RAPGEF4: variants seen among roughly 807,000 people sequenced by gnomAD.
The protein encoded by RAPGEF4 is Rap guanine nucleotide exchange factor 4.
RAPGEF4 carries 66 observed loss-of-function variants against 147.9 expected under a neutral mutation model. The observed-to-expected ratio is 0.45, with a 90% CI of 0.37 to 0.55. RAPGEF4 has a LOEUF of 0.55. RAPGEF4 is among the 20% of genes least tolerant of loss of function. The probability of loss-of-function intolerance (pLI) is 0.00; values close to 1 mark genes in which losing one functional copy is unlikely to be tolerated. For missense variants in RAPGEF4, 1,071 were observed against 1,257.3 expected (o/e 0.85, Z 2.24); for synonymous variants, 419 against 442.7 (o/e 0.95, Z 0.67).
intron 18 of RAPGEF4, 108 bp downstream of exon 18, chr2:173,014,722 C>A: frequency 9.6e-7 from 1 of 1,042,894 alleles, no homozygotes; most frequent in Non-Finnish European, 1.3e-6. Flanking sequence ...AAATGCTAGA[C>A]TTTGTGAACA....
intron 4 of RAPGEF4, among the ~76,000 whole-genome samples, chr2:172,868,518 G>C (rs1044381027): frequency 6.6e-6 from 1 of 152,192 alleles, no homozygotes; most frequent in African/African-American, 2.4e-5. Flanking sequence ...ATTGGGGAGT[G>C]GGAGGAAAGA....
intron 1 of RAPGEF4, among the ~76,000 whole-genome samples, chr2:172,769,370 G>T (rs1697145761): frequency 6.6e-6 from 1 of 152,142 alleles, no homozygotes; most frequent in African/African-American, 2.4e-5. Context: ...AAGATTAAAA[G>T]ATTCTGGGGG....
Position 173,030,190 on chromosome 2 carries a change from C to G in RAPGEF4, c.2585C>G (p.Ser862Cys). The G allele has an allele frequency of 1.2e-6, 2 of 1,613,320 alleles. No homozygotes were observed. The highest frequency in any genetic ancestry group is 1.7e-6 in the Non-Finnish European group (2 of 1,179,270). ...AHCKEYKNLN[S>C]FFAIVMGLSN... The stretch of plus-strand genomic sequence containing the variant: ...TGTAAGGAGTATAAAAATCTGAATT[C>G]CTTTTTTGCCATCGTCATGGGACTA... Residue 862 changes from serine to cysteine, a missense_variant, in exon 26 of 31, where the codon TCC (serine) becomes TGC (cysteine). By Grantham distance (112) the Ser-to-Cys change is moderately radical. Coordinates refer to ENST00000397081, the MANE Select transcript of RAPGEF4 (RefSeq NM_007023.4).
intron 1 of RAPGEF4, among the ~76,000 whole-genome samples, chr2:172,767,356 T>C (rs1046313567): frequency 6.6e-6 from 1 of 152,076 alleles, no homozygotes; most frequent in African/African-American, 2.4e-5. Flanking sequence ...TTTTTGTATT[T>C]TTAGTATAGA....
At chr2:172,853,562 C>T (rs1436254864) in intron 4 of RAPGEF4, among the ~76,000 whole-genome samples, 4 of 151,698 alleles carry the variant, frequency 2.6e-5, no homozygotes, top group African/African-American at 9.7e-5. Context: ...AAAATTCCTT[C>T]GTTCCTTCTC....
At chr2:173,024,692 G>A (rs1171854298) in intron 23 of RAPGEF4, among the ~76,000 whole-genome samples, 1 of 152,168 alleles carries the variant, frequency 6.6e-6, no homozygotes, top group African/African-American at 2.4e-5. Flanking sequence ...AGAGATTAGG[G>A]AATCAATCCA....
chr2:173,034,895 C>T (rs1364296185), intron 27 of RAPGEF4, among the ~76,000 whole-genome samples: 2 of 151,748 alleles, frequency 1.3e-5, no homozygotes, highest in African/African-American at 2.4e-5. Context: ...CACACACACA[C>T]ACACACACAC....
intron 16 of RAPGEF4, among the ~76,000 whole-genome samples, chr2:172,996,900 G>A (rs1311030879): frequency 6.6e-6 from 1 of 152,182 alleles, no homozygotes; most frequent in Non-Finnish European, 1.5e-5. Context: ...ATTTGAAGCT[G>A]CCTACATAAA....
chr2:172,978,205 C>CA (rs151192130), intron 10 of RAPGEF4, among the ~76,000 whole-genome samples: 2,987 of 152,014 alleles, frequency 0.02, 91 homozygotes, highest in African/African-American at 0.062. Context: ...CACACCCCCC[C>CA]CAGAGCTTCC....
chr2:172,941,730 G>A (rs540707827), intron 6 of RAPGEF4, among the ~76,000 whole-genome samples: 5 of 152,260 alleles, frequency 3.3e-5, no homozygotes, highest in East Asian at 1.9e-4. Context: ...GACTGCTTGA[G>A]CTCAATGCTG....
chr2:172,924,663 A>G (rs772280436), intron 6 of RAPGEF4, among the ~76,000 whole-genome samples: 4 of 152,250 alleles, frequency 2.6e-5, no homozygotes, highest in Non-Finnish European at 5.9e-5. Context: ...AGCGCTAGAA[A>G]GATAAAAAGA....
chr2:172,866,564 A>G (rs953421111), intron 4 of RAPGEF4, among the ~76,000 whole-genome samples: 3 of 152,126 alleles, frequency 2.0e-5, no homozygotes, highest in Non-Finnish European at 4.4e-5. Flanking sequence ...TTCCGTTAAT[A>G]CATACATACT....
intron 6 of RAPGEF4, among the ~76,000 whole-genome samples, chr2:172,933,063 C>T (rs1250774470): frequency 6.6e-6 from 1 of 152,102 alleles, no homozygotes; most frequent in East Asian, 1.9e-4. Context: ...AATTCATGCA[C>T]CTTTAGGAAA....
chr2:173,050,026 C>T (rs577119091), intron 30 of RAPGEF4, among the ~76,000 whole-genome samples: 2 of 152,224 alleles, frequency 1.3e-5, no homozygotes, highest in East Asian at 3.9e-4. Flanking sequence ...GCTCAAGAAC[C>T]ATAAAATAAT....
intron 16 of RAPGEF4, among the ~76,000 whole-genome samples, chr2:172,998,185 A>C (rs1413768371): frequency 6.6e-6 from 1 of 152,234 alleles, no homozygotes; most frequent in Admixed American, 6.5e-5. Flanking sequence ...AGGGACACTG[A>C]CTAGGTGAGG....
intron 1 of RAPGEF4, among the ~76,000 whole-genome samples, chr2:172,745,290 T>A (rs1357423154): frequency 6.6e-6 from 1 of 152,142 alleles, no homozygotes; most frequent in Non-Finnish European, 1.5e-5. Context: ...GATTTTCTTT[T>A]CATGTCAGTT....
rs1314648988 is a variant in RAPGEF4 at position 173,042,038 on chromosome 2, A to G, written c.2853+5346A>G. On this transcript the variant is annotated intron_variant, in intron 29 of 30. Coordinates refer to ENST00000397081, the MANE Select transcript of RAPGEF4 (RefSeq NM_007023.4). This position sits in a 1 kb window ranked among gnomAD's most constrained non-coding sequence, Gnocchi z 4.2. The stretch of plus-strand genomic sequence containing the variant: ...GCGACACCCAGCACTCTCCAACACA[A>G]CCTTGCCTTGATAGGGGTTTCACAG... 6.6e-6 allele frequency among the ~76,000 whole-genome samples: 1 copy of G among 151,892 alleles called. No individual in the cohort carries two copies. The highest frequency in any genetic ancestry group is 1.9e-4 in the East Asian group (1 of 5,182).
intron 22 of RAPGEF4, among the ~76,000 whole-genome samples, chr2:173,019,645 T>G (rs1402252716): frequency 6.6e-6 from 1 of 152,186 alleles, no homozygotes; most frequent in Non-Finnish European, 1.5e-5. Flanking sequence ...TGATGGAGGA[T>G]TTTTAAATGC....
chr2:173,017,617 TC>T, intron 21 of RAPGEF4, 113 bp downstream of exon 21: 1 of 1,028,424 alleles, frequency 9.7e-7, no homozygotes, highest in Non-Finnish European at 1.4e-6. Context: ...CCTGTTGCCC[TC>T]CAGATGGTTT....
Sources: allele counts gnomAD v4.1 joint callset (sites outside exome capture counted in the v4.1 genomes callset), GRCh38; gene constraint gnomAD v4.1.1; non-coding constraint Gnocchi (gnomAD v3.1); transcripts MANE v1.5; gene names NCBI Gene and HGNC (gene_info 2026-07-23, HGNC 2026-07-21).